The following DNAH7 variants were observed in gnomAD, a reference collection of about 807,000 sequenced individuals.
DNAH7 encodes axonemal beta dynein heavy chain 7.
Under a neutral mutation model 444.6 loss-of-function variants are expected in DNAH7, and 397 were observed. The ratio of observed to expected loss-of-function variants is 0.89; its 90% CI spans 0.82 to 0.97. DNAH7 has a LOEUF of 0.97. DNAH7 is among the 50% of genes least tolerant of loss of function. The probability of loss-of-function intolerance (pLI) is 0.00; values close to 1 mark genes in which losing one functional copy is unlikely to be tolerated. For synonymous variants in DNAH7, 1,636 were observed against 1,624.4 expected, an observed-to-expected ratio of 1.01 and a Z score of -0.17; for missense variants, 4,902 against 4,800.8, an observed-to-expected ratio of 1.02 and a Z score of -0.62.
chr2:195,814,164 C>G (rs538329152), intron 51 of DNAH7, among the ~76,000 whole-genome samples: 1 of 152,286 alleles, frequency 6.6e-6, no homozygotes, highest in South Asian at 2.1e-4. Context: ...GCAAATACTT[C>G]TGATTTCTGC....
chr2:195,987,209 A>G lies in DNAH7; in HGVS notation c.1627-16T>C. ...AACGAATAGTCTGCAAAAGATTAAA[A>G]GTTTAATCAACATAAGAAGAAATAA... On this transcript the variant is annotated splice_polypyrimidine_tract_variant and intron_variant, in intron 13 of 64. Coordinates refer to ENST00000312428, the MANE Select transcript of DNAH7 (RefSeq NM_018897.3). 6.5e-7 allele frequency: 1 copy of G among 1,527,662 alleles called. No homozygotes were observed. Among genetic ancestry groups the G allele is most frequent in the Non-Finnish European group, 8.8e-7 (1 of 1,137,360 alleles). The allele number at this position is 1,527,662 out of a possible 1,614,324, so 94.6% of individuals were successfully genotyped here. A position where few individuals can be genotyped will look rare whatever the true frequency, so the allele number is the denominator to read the frequency against.
At chr2:196,061,216 T>A (rs2125893695) in intron 1 of DNAH7, among the ~76,000 whole-genome samples, 1 of 152,288 alleles carries the variant, frequency 6.6e-6, no homozygotes, top group South Asian at 2.1e-4. Flanking sequence ...CATTTTCTGA[T>A]CTTCGTGTGA....
At chr2:195,986,013 A>G (rs549611300) in intron 14 of DNAH7, among the ~76,000 whole-genome samples, 1 of 152,148 alleles carries the variant, frequency 6.6e-6, no homozygotes, top group South Asian at 2.1e-4. Context: ...ACTGCCCTCT[A>G]CATATTATCT....
intron 55 of DNAH7, among the ~76,000 whole-genome samples, chr2:195,797,938 C>T (rs1267672531): frequency 6.6e-6 from 1 of 152,174 alleles, no homozygotes; most frequent in Non-Finnish European, 1.5e-5. Flanking sequence ...ATAATAAGTA[C>T]TATGCTAAGC....
At chr2:195,776,869 G>A (rs1037625517) in intron 59 of DNAH7, among the ~76,000 whole-genome samples, 1 of 152,060 alleles carries the variant, frequency 6.6e-6, no homozygotes, top group Admixed American at 6.6e-5. Context: ...TGGCAAAGGG[G>A]GTTTGGTCAT....
chr2:195,743,811 G>A (rs1165910960), intron 63 of DNAH7, among the ~76,000 whole-genome samples: 1 of 152,064 alleles, frequency 6.6e-6, no homozygotes, highest in Non-Finnish European at 1.5e-5. Flanking sequence ...TTGTGCATTG[G>A]TAAGTAAATA....
At chr2:196,055,767 A>G (rs1697761498) in intron 2 of DNAH7, among the ~76,000 whole-genome samples, 1 of 152,130 alleles carries the variant, frequency 6.6e-6, no homozygotes, top group African/African-American at 2.4e-5. Context: ...AATGACATCT[A>G]TTGTCCTGGA....
chr2:195,758,604 A>G (rs1354487905), intron 61 of DNAH7, among the ~76,000 whole-genome samples: 1 of 152,188 alleles, frequency 6.6e-6, no homozygotes, highest in Non-Finnish European at 1.5e-5. Flanking sequence ...TGACCACAGT[A>G]CCCAGTTTTA....
In DNAH7 at chr2:195,809,750, G is replaced by A. The variant is rs201438443; in HGVS notation, c.9883C>T (p.Arg3295Trp). Residue 3295 changes from arginine to tryptophan, a missense_variant, in exon 52 of 65, where the codon CGG (arginine) becomes TGG (tryptophan). Transcript: ENST00000312428. ...CAAATGAAAACAGTACTGACCGCCC[G>A]CTCATGCAGCAGTAGATTTATGGTT... ...CLTINLLLHE[R>W]AINKAEWRFL... 1.6e-5 allele frequency: 26 copies of A among 1,580,538 alleles called. No individual in the cohort carries two copies. The highest frequency in any genetic ancestry group is 9.0e-5 in the Admixed American group (5 of 55,540).
At chr2:195,769,451 C>T (rs1456203955) in intron 61 of DNAH7, among the ~76,000 whole-genome samples, 9 of 151,994 alleles carry the variant, frequency 5.9e-5, no homozygotes. Context: ...ACTTTATCCA[C>T]TGTTACCATA....
intron 20 of DNAH7, among the ~76,000 whole-genome samples, chr2:195,935,322 T>G: frequency 6.6e-6 from 1 of 152,156 alleles, no homozygotes; most frequent in East Asian, 1.9e-4. Context: ...CACAACTCAT[T>G]TTTGGCACAC....
At chr2:195,967,319 G>T (rs576361461) in intron 17 of DNAH7, among the ~76,000 whole-genome samples, 1 of 152,046 alleles carries the variant, frequency 6.6e-6, no homozygotes, top group East Asian at 1.9e-4. Context: ...TTTATATCTT[G>T]AAAAGTAGTT....
chr2:195,941,884 G>C (rs891403216), intron 19 of DNAH7, among the ~76,000 whole-genome samples: 1 of 152,182 alleles, frequency 6.6e-6, no homozygotes, highest in South Asian at 2.1e-4. Context: ...GCCTAAAATT[G>C]AGTTTTCAGA....
At chr2:195,834,137 T>C (rs941667117) in intron 48 of DNAH7, 69 bp downstream of exon 48, 2 of 1,472,336 alleles carry the variant, frequency 1.4e-6, no homozygotes, top group Admixed American at 1.9e-5. Context: ...AAACAATCTA[T>C]ACAGTTTTGG....
intron 27 of DNAH7, chr2:195,903,287 C>A (rs1686818095): frequency 4.6e-5 from 7 of 152,042 alleles, no homozygotes; most frequent in Admixed American, 2.0e-4. Flanking sequence ...TTTTAAGGAA[C>A]TGCAAATCGA....
chr2:195,793,011 C>G (rs1297741130), intron 57 of DNAH7, among the ~76,000 whole-genome samples: 1 of 152,062 alleles, frequency 6.6e-6, no homozygotes, highest in Non-Finnish European at 1.5e-5. Flanking sequence ...CTCACTGCAG[C>G]CTTAAACTCC....
At position 195,923,832 on chromosome 2, in the gene DNAH7, G is replaced by T. The variant is rs146272424; in HGVS notation, c.3613-25C>A. The T allele has an allele frequency of 1.1e-5, 17 of 1,598,420 alleles. No individual in the cohort carries two copies. In the East Asian group the frequency reaches 3.8e-4, roughly 36 times the overall value. On this transcript the variant is annotated intron_variant, in intron 22 of 64. Transcript: ENST00000312428. ...CCTGAAAGAAAAGAAAATAAGATAT[G>T]ATTTCCCAATGTGATCAAAATTATT...
chr2:196,033,411 T>C (rs1384061353), intron 5 of DNAH7, among the ~76,000 whole-genome samples: 1 of 152,286 alleles, frequency 6.6e-6, no homozygotes, highest in South Asian at 2.1e-4. Flanking sequence ...AACTTACCCC[T>C]GTCTAACTAA....
At chr2:195,878,586 C>T (rs2125158065) in intron 36 of DNAH7, among the ~76,000 whole-genome samples, 1 of 152,192 alleles carries the variant, frequency 6.6e-6, no homozygotes, top group South Asian at 2.1e-4. Flanking sequence ...GGGGACAGAG[C>T]AAGACCCTGT....
Sources: gnomAD v4.1 joint callset for allele counts (sites outside exome capture counted in the v4.1 genomes callset) on GRCh38, gnomAD v4.1.1 for gene constraint, MANE v1.5 for transcripts, NCBI Gene and HGNC (gene_info 2026-07-23, HGNC 2026-07-21) for gene names.